Variants in SLC9B1 observed in about 807,000 individuals in gnomAD.
SLC9B1 encodes the protein sodium/hydrogen exchanger 9B1.
In SLC9B1, 32 loss-of-function variants were observed where a neutral mutation model predicts 51.7. The observed-to-expected ratio is 0.62, with a 90% CI of 0.47 to 0.83. SLC9B1 has a LOEUF of 0.83. Among genes scored for constraint, SLC9B1 ranks in the 40% least tolerant of loss-of-function variants. The pLI is 0.00. For missense variants in SLC9B1, 406 were observed against 613.2 expected (o/e 0.66, Z 3.57); for synonymous variants, 145 against 212.7 (o/e 0.68, Z 2.77).
intron 6 of SLC9B1, among the ~76,000 whole-genome samples, chr4:102,937,790 AAGG>A (rs1240074782): frequency 5.3e-4 from 81 of 151,916 alleles, no homozygotes; most frequent in African/African-American, 2.0e-3. Context: ...CTTCATATTG[AAGG>A]AGAAGTAAGA....
intron 1 of SLC9B1, among the ~76,000 whole-genome samples, chr4:103,008,955 A>G (rs1305982816): frequency 6.6e-6 from 1 of 151,922 alleles, no homozygotes; most frequent in Non-Finnish European, 1.5e-5. Context: ...GCGTGCCACC[A>G]CGTCTGGCTA....
intron 1 of SLC9B1, among the ~76,000 whole-genome samples, chr4:102,993,048 G>A (rs2110520668): frequency 6.6e-6 from 1 of 151,592 alleles, no homozygotes; most frequent in South Asian, 2.1e-4. Context: ...AACTCAAGGT[G>A]AGATTTGGGT....
chr4:102,982,768 CAGG>C, intron 3 of SLC9B1, among the ~76,000 whole-genome samples: 1 of 152,120 alleles, frequency 6.6e-6, no homozygotes. Flanking sequence ...GTAGTTGTTC[CAGG>C]AGTTTTTTTT....
At chr4:102,966,840 A>G (rs1002320934) in intron 3 of SLC9B1, among the ~76,000 whole-genome samples, 7 of 152,126 alleles carry the variant, frequency 4.6e-5, no homozygotes, top group African/African-American at 1.7e-4. Flanking sequence ...CAGGCTATTA[A>G]TTTTCAAATT....
At chr4:102,917,434 TATATCTATATCTATATC>T (rs1403978723) in intron 7 of SLC9B1, among the ~76,000 whole-genome samples, 2 of 35,100 alleles carry the variant, frequency 5.7e-5, no homozygotes, top group Non-Finnish European at 1.0e-4. Context: ...TGCATGTATC[TATATCTATATCTATATC>T]TATATCTATA....
chr4:102,915,090 A>G (rs1327619278), intron 7 of SLC9B1, among the ~76,000 whole-genome samples: 1 of 119,166 alleles, frequency 8.4e-6, no homozygotes, highest in Non-Finnish European at 1.7e-5. Flanking sequence ...ATGATATATT[A>G]AAAGGGCTGA....
chr4:102,998,640 T>C (rs917623479), intron 1 of SLC9B1, among the ~76,000 whole-genome samples: 1 of 151,874 alleles, frequency 6.6e-6, no homozygotes, highest in Non-Finnish European at 1.5e-5. Context: ...TCATTTTATA[T>C]TGACATCAAC....
chr4:102,902,399 T>G (rs1456933663), intron 11 of SLC9B1, among the ~76,000 whole-genome samples: 1 of 152,162 alleles, frequency 6.6e-6, no homozygotes, highest in Non-Finnish European at 1.5e-5. Flanking sequence ...TATCGTAACT[T>G]TTAATGTACT....
intron 1 of SLC9B1, among the ~76,000 whole-genome samples, chr4:103,000,397 T>C (rs1230280106): frequency 6.6e-6 from 1 of 152,188 alleles, no homozygotes; most frequent in Non-Finnish European, 1.5e-5. Flanking sequence ...CCCAAAGTCT[T>C]AATTCATTCC....
chr4:102,981,901 G>A (rs1267104738), intron 3 of SLC9B1, among the ~76,000 whole-genome samples: 1 of 151,994 alleles, frequency 6.6e-6, no homozygotes, highest in Non-Finnish European at 1.5e-5. Context: ...ACATTTTAAT[G>A]TTAAGGAAAT....
chr4:102,895,330 G>A (rs183160874), intron 11 of SLC9B1, among the ~76,000 whole-genome samples: 9 of 152,184 alleles, frequency 5.9e-5, no homozygotes, highest in East Asian at 1.9e-4. Flanking sequence ...ATTTAAATAC[G>A]TACATAAATG....
intron 7 of SLC9B1, among the ~76,000 whole-genome samples, chr4:102,918,532 G>GC (rs1225535625): frequency 6.6e-6 from 1 of 152,224 alleles, no homozygotes; most frequent in Non-Finnish European, 1.5e-5. Flanking sequence ...AAATGTTTAT[G>GC]TTCTCCCAAT....
intron 1 of SLC9B1, among the ~76,000 whole-genome samples, chr4:103,000,973 C>G (rs959195431): frequency 6.6e-6 from 1 of 152,240 alleles, no homozygotes; most frequent in African/African-American, 2.4e-5. Flanking sequence ...GGCTCCACCC[C>G]TGTACCAAAC....
chr4:103,003,539 A>G (rs1173021236), intron 1 of SLC9B1, among the ~76,000 whole-genome samples: 1 of 152,106 alleles, frequency 6.6e-6, no homozygotes, highest in Admixed American at 6.5e-5. Flanking sequence ...GAAACACCTC[A>G]ATCTAGGGAT....
At chr4:102,928,385 A>G (rs569747571) in intron 7 of SLC9B1, among the ~76,000 whole-genome samples, 4 of 152,296 alleles carry the variant, frequency 2.6e-5, no homozygotes, top group South Asian at 2.1e-4. Context: ...CAAGTTCTTT[A>G]TCTCCATCTC....
Position 102,979,493 on chromosome 4 carries a change from T to C in SLC9B1, c.211+10307A>G, listed in dbSNP as rs548200399. ...TGTTTTTGAGGCAAGTCCTTCCTCA[T>C]AGTTAACTGCGTACTCAAAGTCTGC... On this transcript the variant is annotated intron_variant, in intron 3 of 11. Transcript: ENST00000296422. 7.9e-5 allele frequency among the ~76,000 whole-genome samples: 12 copies of C among 152,302 alleles called. No individual in the cohort carries two copies. The East Asian group carries it at 1.5e-3, about 20-fold the overall frequency.
At chr4:102,931,296 G>C (rs1736444278) in intron 7 of SLC9B1, among the ~76,000 whole-genome samples, 1 of 151,558 alleles carries the variant, frequency 6.6e-6, no homozygotes, top group African/African-American at 2.4e-5. Context: ...GAGAGAGAGG[G>C]GGAAGGGAAG....
chr4:102,887,446 T>G, intron 11 of SLC9B1: 1 of 923,036 alleles, frequency 1.1e-6, no homozygotes. Context: ...ATAACAATAT[T>G]TTCTCATTCT....
intron 3 of SLC9B1, among the ~76,000 whole-genome samples, chr4:102,978,933 T>A (rs10516495): frequency 0.33 from 49,989 of 152,048 alleles, 8,202 homozygotes; most frequent in East Asian, 0.39. Context: ...TATGGTTAGC[T>A]TTCTGGTTTC....
Sources: gnomAD v4.1 joint callset for allele counts (sites outside exome capture counted in the v4.1 genomes callset) on GRCh38, gnomAD v4.1.1 for gene constraint, MANE v1.5 for transcripts, NCBI Gene and HGNC (gene_info 2026-07-23, HGNC 2026-07-21) for gene names.